AK9: variants seen among roughly 807,000 people sequenced by gnomAD.
AK9 encodes adenylate kinase domain containing 1.
In AK9, 191 loss-of-function variants were observed where a neutral mutation model predicts 239.6. The observed-to-expected ratio is 0.80, with a 90% CI of 0.71 to 0.90. The LOEUF (loss-of-function observed/expected upper bound fraction) is 0.90, where lower values mean the gene tolerates loss of function less well. Ranked by LOEUF, AK9 falls within the 40% of genes least tolerant of loss-of-function variation. The probability of loss-of-function intolerance (pLI) is 0.00; values close to 1 mark genes in which losing one functional copy is unlikely to be tolerated. For missense variants in AK9, 1,995 were observed against 2,214.7 expected, an observed-to-expected ratio of 0.90 and a Z score of 1.99; for synonymous variants, 689 against 721.0, an observed-to-expected ratio of 0.96 and a Z score of 0.71.
rs116876369 is a variant in AK9 at position 109,665,954 on chromosome 6, G to A, written c.332-3291C>T. On this transcript the variant is annotated intron_variant, in intron 5 of 40. Transcript: ENST00000424296. ...CTGGAGAGCTTGTCAGGCATTCCAC[G>A]TGCAACTGTTTGCAGGAATGCTGAA... is the stretch of plus-strand genomic sequence containing the variant. Among the ~76,000 whole-genome samples the A allele has an allele frequency of 1.1e-3, 174 of 152,272 alleles. 1 individual carries two copies. The East Asian group carries it at 0.029, about 25-fold the overall frequency.
chr6:109,538,376 T>C (rs1395443290), intron 27 of AK9, among the ~76,000 whole-genome samples: 3 of 152,208 alleles, frequency 2.0e-5, no homozygotes, highest in Non-Finnish European at 4.4e-5. Context: ...TCTTTGACTC[T>C]TTTGATCTTT....
intron 9 of AK9, 80 bp from the exon 10 acceptor site, chr6:109,641,696 CCAAGA>C: frequency 8.1e-7 from 1 of 1,239,048 alleles, no homozygotes; most frequent in Admixed American, 2.0e-5. Context: ...GGCTTATGAG[CCAAGA>C]CCATGCTCCC....
intron 6 of AK9, among the ~76,000 whole-genome samples, 161 bp from the exon 7 acceptor site, chr6:109,659,574 A>G (rs997123301): frequency 7.2e-5 from 11 of 152,196 alleles, no homozygotes; most frequent in Non-Finnish European, 7.3e-5. Context: ...GTTTCATTAC[A>G]TGCCAAGAGA....
intron 33 of AK9, among the ~76,000 whole-genome samples, chr6:109,507,160 A>G (rs908756935): frequency 3.3e-5 from 5 of 152,220 alleles, no homozygotes; most frequent in African/African-American, 9.6e-5. Context: ...ATGAAAGAGT[A>G]TAGCTTTAGA....
chr6:109,510,814 C>T (rs1778661040), intron 32 of AK9, among the ~76,000 whole-genome samples: 1 of 152,214 alleles, frequency 6.6e-6, no homozygotes, highest in African/African-American at 2.4e-5. Context: ...GATACCAGAA[C>T]AGTAGTACCC....
chr6:109,497,663 G>T, intron 37 of AK9, 100 bp from the exon 38 acceptor site: 1 of 1,334,240 alleles, frequency 7.5e-7, no homozygotes, highest in Non-Finnish European at 1.0e-6. Flanking sequence ...TACCTATGTA[G>T]CTCAAGGAAG....
intron 19 of AK9, 70 bp from the exon 20 acceptor site, chr6:109,579,696 T>A: frequency 8.0e-7 from 1 of 1,244,010 alleles, no homozygotes; most frequent in Non-Finnish European, 1.1e-6. Context: ...CAGGATTAAA[T>A]GCTTATAGTG....
At chr6:109,664,319 A>G (rs1800863726) in intron 5 of AK9, among the ~76,000 whole-genome samples, 1 of 152,218 alleles carries the variant, frequency 6.6e-6, no homozygotes, top group East Asian at 1.9e-4. Context: ...CATAATAAAA[A>G]AAGTTACCAA....
At chr6:109,627,631 C>A (rs761877669) in intron 12 of AK9, among the ~76,000 whole-genome samples, 12 of 150,694 alleles carry the variant, frequency 8.0e-5, no homozygotes, top group Non-Finnish European at 1.5e-4. Context: ...CAGCACATAA[C>A]TGTATTGGTT....
intron 21 of AK9, among the ~76,000 whole-genome samples, chr6:109,568,082 G>A (rs931803853): frequency 2.0e-5 from 3 of 152,020 alleles, no homozygotes; most frequent in Non-Finnish European, 4.4e-5. Flanking sequence ...TATCCACCAC[G>A]ATCAAGTTGG....
At chr6:109,515,459 C>G (rs1169138568) in intron 31 of AK9, among the ~76,000 whole-genome samples, 1 of 152,166 alleles carries the variant, frequency 6.6e-6, no homozygotes, top group Non-Finnish European at 1.5e-5. Flanking sequence ...GGGCAAGTGT[C>G]AGCCATCCCT....
chr6:109,629,190 T>C (rs961319076), intron 12 of AK9, among the ~76,000 whole-genome samples: 6 of 152,134 alleles, frequency 3.9e-5, no homozygotes, highest in Non-Finnish European at 5.9e-5. Flanking sequence ...GTGATCCTCC[T>C]GCCTCAGTCT....
At chr6:109,537,815 C>T (rs1443058570) in intron 27 of AK9, among the ~76,000 whole-genome samples, 2 of 152,002 alleles carry the variant, frequency 1.3e-5, no homozygotes, top group African/African-American at 2.4e-5. Flanking sequence ...TCTTTGTTCT[C>T]ATTGGTTTCA....
At chr6:109,597,738 G>C (rs1326722625) in intron 17 of AK9, among the ~76,000 whole-genome samples, 1 of 151,896 alleles carries the variant, frequency 6.6e-6, no homozygotes, top group East Asian at 1.9e-4. Context: ...TCAACTGGGG[G>C]GCATAAGGCA....
At chr6:109,641,492 CT>C in intron 10 of AK9, 25 bp downstream of exon 10, 1 of 1,574,362 alleles carries the variant, frequency 6.4e-7, no homozygotes, top group Non-Finnish European at 8.7e-7. Context: ...GAAAATTAGA[CT>C]TTCAGACAGT....
Position 109,619,184 on chromosome 6 carries a change from GTTTCACGGGC to G in AK9, c.1297_1306del (p.Ala433HisfsTer2). 1.3e-6 allele frequency: 2 copies of G among 1,550,380 alleles called. No homozygotes were observed. Among genetic ancestry groups the G allele is most frequent in the Non-Finnish European group, 1.7e-6 (2 of 1,146,358 alleles). ...CTCAGCTATGGTATTTTCTACTAAT[GTTTCACGGGC>G]TTTATCAAAACGTGGCTGAACAAGT... On this transcript the variant is annotated frameshift_variant, in exon 13 of 41. Coordinates refer to ENST00000424296, the MANE Select transcript of AK9 (RefSeq NM_001145128.3). LOFTEE classifies it high-confidence loss of function.
intron 10 of AK9, among the ~76,000 whole-genome samples, chr6:109,639,113 G>C (rs530468573): frequency 1.4e-3 from 214 of 152,240 alleles, no homozygotes; most frequent in African/African-American, 5.0e-3. Context: ...AATAAACATA[G>C]GCGTGCATGT....
chr6:109,572,957 C>A (rs921523841), intron 21 of AK9, among the ~76,000 whole-genome samples: 3 of 152,072 alleles, frequency 2.0e-5, no homozygotes, highest in African/African-American at 7.2e-5. Context: ...AGAGTTAATG[C>A]TCTCATATTA....
chr6:109,625,681 C>T (rs966270418), intron 12 of AK9, among the ~76,000 whole-genome samples: 1 of 152,196 alleles, frequency 6.6e-6, no homozygotes, highest in Non-Finnish European at 1.5e-5. Flanking sequence ...CCTCCACCCC[C>T]ACAACCCAGT....
Sources: allele counts gnomAD v4.1 joint callset (sites outside exome capture counted in the v4.1 genomes callset), GRCh38; gene constraint gnomAD v4.1.1; transcripts MANE v1.5; gene names NCBI Gene and HGNC (gene_info 2026-07-23, HGNC 2026-07-21).